The following MXRA5 variants were observed in gnomAD, a reference collection of about 807,000 sequenced individuals.
MXRA5 encodes the protein matrix remodeling associated 5, also known as matrix-remodeling-associated protein 5.
In MXRA5, 41 loss-of-function variants were observed where a neutral mutation model predicts 112.5. The ratio of observed to expected loss-of-function variants is 0.36; its 90% CI spans 0.28 to 0.47. The LOEUF is 0.47. Among genes scored for constraint, MXRA5 ranks in the 20% least tolerant of loss-of-function variants. MXRA5 has a pLI of 0.99. For missense variants in MXRA5, 2,150 were observed against 2,251.0 expected (o/e 0.96, Z 0.91); for synonymous variants, 862 against 900.8 (o/e 0.96, Z 0.77).
At chrX:3,345,657 G>A (rs1325364875) in intron 1 of MXRA5, among the ~76,000 whole-genome samples, 1 of 113,066 alleles carries the variant, frequency 8.8e-6, no homozygotes, top group Non-Finnish European at 1.9e-5. Context: ...CCTGGCGCCA[G>A]CTAGGCCGCC....
intron 2 of MXRA5, among the ~76,000 whole-genome samples, chrX:3,331,653 AC>A (rs1421742581): frequency 8.9e-6 from 1 of 112,235 alleles, no homozygotes; most frequent in Non-Finnish European, 1.9e-5. Flanking sequence ...TTACTCGTAG[AC>A]ATGCTAGGTT....
intron 4 of MXRA5, among the ~76,000 whole-genome samples, chrX:3,325,989 T>A (rs1412319455): frequency 8.0e-5 from 6 of 75,334 alleles, no homozygotes; most frequent in Non-Finnish European, 1.4e-4. Context: ...TAATATATAA[T>A]TTATATATTA....
chrX:3,338,961 GA>G (rs1921851376), intron 2 of MXRA5, among the ~76,000 whole-genome samples: 1 of 79,461 alleles, frequency 1.3e-5, no homozygotes, highest in Non-Finnish European at 3.0e-5. Flanking sequence ...TAGATAGTTA[GA>G]TAGATAGATA....
chrX:3,309,635 A>G lies in MXRA5; in HGVS notation c.*81T>C. 3.6e-6 allele frequency: 3 copies of G among 843,358 alleles called. No homozygotes were observed. The highest frequency in any genetic ancestry group is 5.0e-6 in the Non-Finnish European group (3 of 594,399). 69.5% of individuals were successfully genotyped at this position (843,358 alleles called of 1,213,427 possible). ...CATGCACTGTGACACATTATTTAAG[A>G]GCTCCTATTCCCCAACCTGGCTTCC... is the stretch of plus-strand genomic sequence containing the variant. On this transcript the variant is annotated 3_prime_UTR_variant, in exon 7 of 7. Coordinates refer to ENST00000217939, the MANE Select transcript of MXRA5 (RefSeq NM_015419.4).
rs1364849958 is a variant in MXRA5 at position 3,317,687 on chromosome X, C to T, written c.5994G>A (p.Val1998=). 5.0e-6 allele frequency: 6 copies of T among 1,199,869 alleles called. No individual in the cohort carries two copies. The highest frequency in any genetic ancestry group is 6.7e-6 in the Non-Finnish European group (6 of 888,946). Reference sequence around the variant, plus strand: ...TTTCGTGCAGGGTGATGCGGCCCTCCACGGGGGACACAGTTTGCCACACCC... The same window carrying T: ...TTTCGTGCAGGGTGATGCGGCCCTCTACGGGGGACACAGTTTGCCACACCC... The part of the protein sequence containing the change: ...DRRVWQTVSP[V]EGRITLHENR... The change falls in exon 6 of 7, where the codon GTG becomes GTA. Residue 1998 remains valine (V), a synonymous_variant. Transcript: ENST00000217939.
At position 3,309,586 on chromosome X, in the gene MXRA5, A is replaced by C. The variant is rs770350085; in HGVS notation, c.*130T>G. 39 of 537,888 alleles carry C rather than the reference A, an allele frequency of 7.3e-5. No individual in the cohort carries two copies. The highest frequency in any genetic ancestry group is 1.0e-4 in the Non-Finnish European group (34 of 335,575). The allele number at this position is 537,888 out of a possible 1,213,427, so 44.3% of individuals were successfully genotyped here. A position where few individuals can be genotyped will look rare whatever the true frequency, so the allele number is the denominator to read the frequency against. On this transcript the variant is annotated 3_prime_UTR_variant, in exon 7 of 7. Transcript: ENST00000217939. The stretch of plus-strand genomic sequence containing the variant: ...ACAATTGTAGATCAAGATCAACCTC[A>C]ACTTGAAACCCACCAGAGGCCACCA...
intron 6 of MXRA5, among the ~76,000 whole-genome samples, chrX:3,316,144 CTCTACTAAAAATACAAAAAA>C (rs1335872458): frequency 1.3e-5 from 1 of 75,924 alleles, no homozygotes; most frequent in East Asian, 3.8e-4. Flanking sequence ...GAAACCCCGT[CTCTACTAAAAATACAAAAAA>C]TTAGCCAGGC....
Position 3,341,416 on chromosome X carries a change from A to AG in MXRA5, c.188+2229_188+2230insC, listed in dbSNP as rs1303951795. 4.2e-3 allele frequency among the ~76,000 whole-genome samples: 73 copies of AG among 17,221 alleles called. 2 individuals carry two copies. The highest frequency in any genetic ancestry group is 0.027 in the African/African-American group (39 of 1,465). 15.0% of individuals were successfully genotyped at this position (17,221 alleles called of 115,157 possible). A position where few individuals can be genotyped will look rare whatever the true frequency, so the allele number is the denominator to read the frequency against. Reference sequence around the variant, plus strand: ...TATATATAATATATATTATTATTATATATAATATATGTAATATATATTATT... The same window carrying AG: ...TATATATAATATATATTATTATTATAGTATAATATATGTAATATATATTATT... On this transcript the variant is annotated intron_variant, in intron 2 of 6. Coordinates refer to ENST00000217939, the MANE Select transcript of MXRA5 (RefSeq NM_015419.4).
chrX:3,323,552 T>A lies in MXRA5; in HGVS notation c.2133A>T (p.Ser711=), dbSNP rs769460964. ...GSGMGDEENT[S]RRLLHPKDQE... is the part of the protein sequence containing the mutation. ...GGTCCTTTGGATGCAGAAGTCTCCTTGAAGTGTTCTCTTCATCTCCCATGC... is the reference window on the plus strand; with the variant it reads ...GGTCCTTTGGATGCAGAAGTCTCCTAGAAGTGTTCTCTTCATCTCCCATGC... Residue 711 remains serine (S), a synonymous_variant, in exon 5 of 7, where the codon TCA becomes TCT. Transcript: ENST00000217939. The A allele has an allele frequency of 1.2e-5, 14 of 1,209,153 alleles. No individual in the cohort carries two copies. In the Admixed American group the frequency reaches 3.1e-4, roughly 27 times the overall value.
At chrX:3,314,395 A>T (rs192042482) in intron 6 of MXRA5, among the ~76,000 whole-genome samples, 7 of 110,714 alleles carry the variant, frequency 6.3e-5, no homozygotes, top group Admixed American at 5.8e-4. Flanking sequence ...AAATGTTGCC[A>T]GACACAGCCA....
At position 3,309,987 on chromosome X, in the gene MXRA5, G is replaced by A. The variant is rs765445961; in HGVS notation, c.8216C>T (p.Pro2739Leu). 1.8e-5 allele frequency: 22 copies of A among 1,208,803 alleles called. No homozygotes were observed. The South Asian group carries it at 3.5e-4, about 19-fold the overall frequency. The stretch of plus-strand genomic sequence containing the variant: ...GGGCCGGGTGTAGATGACCGGGGTG[G>A]GCTCGCTGGTGATCCGGGGAGGATA... ...IAYPPRITSE[P>L]TPVIYTRPGN... Residue 2739 changes from proline to leucine, a missense_variant, in exon 7 of 7, where the codon CCC becomes CTC. Pro to Leu is a moderately conservative substitution (Grantham distance 98). Around this residue, in one of 6 missense-constraint regions of MXRA5, gnomAD observed 178 missense variants for 198.2 expected, o/e 0.90. Transcript: ENST00000217939.
Position 3,310,329 on chromosome X carries a change from G to T in MXRA5, c.7874C>A (p.Thr2625Lys). Residue 2625 changes from threonine to lysine, a missense_variant, in exon 7 of 7, where the codon ACG becomes AAG. Coordinates refer to ENST00000217939, the MANE Select transcript of MXRA5 (RefSeq NM_015419.4). Reference protein sequence around the residue: ...RCVARNAAGHTERLVSLKVGL... With the variant: ...RCVARNAAGHKERLVSLKVGL... ...CACCTTCAGGGAGACCAGCCTCTCC[G>T]TGTGGCCAGCGGCATTGCGGGCCAC... 1 of 1,203,198 alleles carries T rather than the reference G, an allele frequency of 8.3e-7. No homozygotes were observed. The highest frequency in any genetic ancestry group is 1.1e-6 in the Non-Finnish European group (1 of 888,597).
chrX:3,309,742 T>A lies in MXRA5; in HGVS notation c.8461A>T (p.Lys2821Ter). The A allele has an allele frequency of 8.3e-7, 1 of 1,211,378 alleles. No individual in the cohort carries two copies. Among genetic ancestry groups the A allele is most frequent in the Non-Finnish European group, 1.1e-6 (1 of 895,180 alleles). Residue 2821 changes from lysine (K) to a stop codon, truncating the protein, a stop_gained, in exon 7 of 7, where the codon AAA becomes TAA. Transcript: ENST00000217939. LOFTEE classifies it high-confidence loss of function. ...MAKNILGSDS[K>*]TTYIHVF ...CAGAAGACGTGGATGTAAGTTGTTTTGGAGTCACTGCCGAGAATGTTTTTT... is the reference window on the plus strand; with the variant it reads ...CAGAAGACGTGGATGTAAGTTGTTTAGGAGTCACTGCCGAGAATGTTTTTT...
Position 3,310,722 on chromosome X carries a change from C to T in MXRA5, c.7481G>A (p.Arg2494Gln), listed in dbSNP as rs1348745764. The change falls in exon 7 of 7, where the codon CGG becomes CAG. Residue 2494 changes from arginine (R) to glutamine (Q), a missense_variant. Arg to Gln is a conservative substitution (Grantham distance 43, BLOSUM62 1). This residue lies in a region of MXRA5 where 93 missense variants were observed against 135.5 expected (regional missense o/e 0.69). Coordinates refer to ENST00000217939, the MANE Select transcript of MXRA5 (RefSeq NM_015419.4). ...GGAACCGTTGCCATGGACAGTGATC[C>T]GGTTTCCATAGTATGGAGCTGGCAG... ...VVLPAPYYGN[R>Q]ITVHGNGSLD... The T allele has an allele frequency of 4.2e-6, 5 of 1,199,210 alleles. No homozygotes were observed. The highest frequency in any genetic ancestry group is 2.3e-5 in the Admixed American group (1 of 44,195).
rs1475988610 is a variant in MXRA5, at chrX:3,341,409, T to TAGTATACATA, written c.188+2236_188+2237insTATGTATACT. On this transcript the variant is annotated intron_variant, in intron 2 of 6. Transcript: ENST00000217939. Reference sequence around the variant, plus strand: ...TATATAATATATATAATATATATTATTATTATATATAATATATGTAATATA... The same window carrying TAGTATACATA: ...TATATAATATATATAATATATATTATAGTATACATATATTATATATAATATATGTAATATA... 9.5e-3 allele frequency among the ~76,000 whole-genome samples: 202 copies of TAGTATACATA among 21,156 alleles called. 11 individuals are homozygous for TAGTATACATA. Among genetic ancestry groups the TAGTATACATA allele is most frequent in the African/African-American group, 0.048 (117 of 2,434 alleles). 18.4% of individuals were successfully genotyped at this position (21,156 alleles called of 115,157 possible). A position where few individuals can be genotyped will look rare whatever the true frequency, so the allele number is the denominator to read the frequency against.
Position 3,320,307 on chromosome X carries a change from GGA to G in MXRA5, c.5376_5377del (p.Pro1793AlafsTer9). ...AGTTGAGGGTGATCCCGTGGTCTGC[GGA>G]GTGTGCAACAACGGAGGTGCCGGAG... On this transcript the variant is annotated frameshift_variant, in exon 5 of 7. Transcript: ENST00000217939. LOFTEE classifies it high-confidence loss of function. 8.3e-7 allele frequency: 1 copy of G among 1,211,878 alleles called. No homozygotes were observed.
intron 2 of MXRA5, among the ~76,000 whole-genome samples, chrX:3,342,019 G>C (rs868670362): frequency 1.9e-5 from 1 of 52,956 alleles, no homozygotes. Context: ...ATATGCCCAA[G>C]AAAATGTGGT....
At position 3,322,096 on chromosome X, in the gene MXRA5, C is replaced by T; in HGVS notation, c.3589G>A (p.Glu1197Lys). Residue 1197 changes from glutamate to lysine, a missense_variant, in exon 5 of 7, where the codon GAG (glutamate) becomes AAG (lysine). Coordinates refer to ENST00000217939, the MANE Select transcript of MXRA5 (RefSeq NM_015419.4). ...APDIKISSQV[E>K]SSLVPTAWVD... ...CAAGCTGTAGGAACCAGAGAACTCT[C>T]CACTTGACTTGAAATCTTAATGTCA... The T allele has an allele frequency of 8.3e-7, 1 of 1,209,850 alleles. No homozygotes were observed. Among genetic ancestry groups the T allele is most frequent in the Non-Finnish European group, 1.1e-6 (1 of 894,519 alleles).
At position 3,320,669 on chromosome X, in the gene MXRA5, A is replaced by G. The variant is rs766261229; in HGVS notation, c.5016T>C (p.Ile1672=). 6 of 1,210,083 alleles carry G rather than the reference A, an allele frequency of 5.0e-6. No homozygotes were observed. The African/African-American group carries it at 7.0e-5, about 14-fold the overall frequency. ...FTTPRLSSTT[I]PLPLHMSKPS... ...GTTTGGACATGTGCAATGGGAGAGG[A>G]ATTGTTGTACTTGATAATCTTGGAG... Residue 1672 remains isoleucine, a synonymous_variant, in exon 5 of 7, where the codon ATT becomes ATC. Coordinates refer to ENST00000217939, the MANE Select transcript of MXRA5 (RefSeq NM_015419.4).
Sources: allele counts gnomAD v4.1 joint callset (sites outside exome capture counted in the v4.1 genomes callset), GRCh38; gene constraint gnomAD v4.1.1; regional missense constraint gnomAD v4.1.1; transcripts MANE v1.5; gene names NCBI Gene and HGNC (gene_info 2026-07-23, HGNC 2026-07-21).